DZANK1: variants seen among roughly 807,000 people sequenced by gnomAD.
DZANK1 encodes the protein double zinc ribbon and ankyrin repeat-containing protein 1.
Under a neutral mutation model 94.5 loss-of-function variants are expected in DZANK1, and 91 were observed. That is an observed-to-expected ratio of 0.96 (90% CI 0.81 to 1.15). The LOEUF (loss-of-function observed/expected upper bound fraction) is 1.15, where lower values mean the gene tolerates loss of function less well. DZANK1 is among the 50% of genes most tolerant of loss of function. The pLI is 0.00. For synonymous variants in DZANK1, 312 were observed against 325.3 expected, an observed-to-expected ratio of 0.96 and a Z score of 0.44; for missense variants, 903 against 916.4, an observed-to-expected ratio of 0.99 and a Z score of 0.19.
intron 2 of DZANK1, among the ~76,000 whole-genome samples, chr20:18,462,134 A>G (rs2059493460): frequency 6.6e-6 from 1 of 152,110 alleles, no homozygotes; most frequent in South Asian, 2.1e-4. Context: ...ATTACAATGA[A>G]TGTTTGCTGA....
At chr20:18,465,493 ATAT>A (rs2059617440) in intron 1 of DZANK1, 116 bp from the exon 2 acceptor site, 2 of 380,466 alleles carry the variant, frequency 5.3e-6, no homozygotes, top group South Asian at 1.0e-4. Flanking sequence ...GGCACTACAA[ATAT>A]TATTCCCTTT....
At chr20:18,396,406 C>A in intron 15 of DZANK1, 66 bp downstream of exon 15, 1 of 1,318,860 alleles carries the variant, frequency 7.6e-7, no homozygotes. Context: ...AGAAGCATTT[C>A]TATAAATTGT....
chr20:18,422,120 C>T (rs573289225), intron 10 of DZANK1, among the ~76,000 whole-genome samples: 1 of 152,054 alleles, frequency 6.6e-6, no homozygotes, highest in Non-Finnish European at 1.5e-5. Context: ...GGGGTCATAT[C>T]CGAAAAAAAT....
intron 5 of DZANK1, 84 bp from the exon 6 acceptor site, chr20:18,452,823 T>C (rs2059151953): frequency 7.3e-7 from 1 of 1,372,942 alleles, no homozygotes; most frequent in East Asian, 2.5e-5. Context: ...CGGGAGACCT[T>C]TTAATAAAGA....
intron 8 of DZANK1, among the ~76,000 whole-genome samples, chr20:18,438,386 G>A (rs941286688): frequency 2.6e-5 from 4 of 151,858 alleles, no homozygotes; most frequent in African/African-American, 9.7e-5. Context: ...CATTCAAAAG[G>A]CAAGGTTATT....
At chr20:18,444,305 C>G (rs1288217074) in intron 7 of DZANK1, among the ~76,000 whole-genome samples, 1 of 152,220 alleles carries the variant, frequency 6.6e-6, no homozygotes, top group Non-Finnish European at 1.5e-5. Flanking sequence ...TGGGCCCACC[C>G]GCCAGAGCAA....
chr20:18,401,083 C>T (rs2056652659), intron 13 of DZANK1, among the ~76,000 whole-genome samples: 1 of 151,998 alleles, frequency 6.6e-6, no homozygotes, highest in Non-Finnish European at 1.5e-5. Context: ...ATTACAGGCA[C>T]CCACCACCAC....
chr20:18,424,551 TTA>T (rs2057947246), intron 10 of DZANK1, among the ~76,000 whole-genome samples: 1 of 152,152 alleles, frequency 6.6e-6, no homozygotes, highest in African/African-American at 2.4e-5. Context: ...ACTGGAACCT[TTA>T]TATATTGCTA....
intron 13 of DZANK1, among the ~76,000 whole-genome samples, chr20:18,409,586 C>CACACACACACACA (rs367672370): frequency 8.9e-6 from 1 of 112,518 alleles, no homozygotes; most frequent in African/African-American, 3.1e-5. Flanking sequence ...ACACACACCA[C>CACACACACACACA]CACCACCACC....
chr20:18,419,261 C>CAA (rs61274655), intron 10 of DZANK1, among the ~76,000 whole-genome samples: 1,046 of 77,982 alleles, frequency 0.013, 10 homozygotes, highest in South Asian at 0.074. Flanking sequence ...GACTCCATCT[C>CAA]AAAAAAAAAA....
At chr20:18,455,268 A>G (rs1435153463) in exon 4 of DZANK1, 1 of 1,605,266 alleles carries the variant, frequency 6.2e-7, no homozygotes, top group Non-Finnish European at 8.5e-7. Context: ...AATCTTTGAG[A>G]ACATTTTCAA....
Position 18,427,268 on chromosome 20 carries a change from C to T in DZANK1, c.862-109G>A, listed in dbSNP as rs1256198495. On this transcript the variant is annotated intron_variant, in intron 9 of 20. Transcript: ENST00000262547. The stretch of plus-strand genomic sequence containing the variant: ...CATTCAGCTACAGGCCCTATTACTG[C>T]ACCCAGGCCCTGAATACTGGATTGG... 1.0e-5 allele frequency: 7 copies of T among 678,186 alleles called. No individual in the cohort carries two copies. The South Asian group carries it at 1.3e-4, about 13-fold the overall frequency. 42.0% of individuals were successfully genotyped at this position (678,186 alleles called of 1,614,324 possible).
chr20:18,410,209 G>T (rs1161976208), intron 13 of DZANK1, among the ~76,000 whole-genome samples: 5 of 152,022 alleles, frequency 3.3e-5, no homozygotes, highest in African/African-American at 1.2e-4. Flanking sequence ...ACTAATAATT[G>T]TAACAGTGTT....
At chr20:18,434,634 C>A (rs1404935999) in intron 8 of DZANK1, among the ~76,000 whole-genome samples, 1 of 151,154 alleles carries the variant, frequency 6.6e-6, no homozygotes, top group East Asian at 1.9e-4. Context: ...CATTGAAAGG[C>A]AGATAACAAA....
intron 2 of DZANK1, among the ~76,000 whole-genome samples, chr20:18,463,640 A>G (rs184543001): frequency 8.0e-4 from 122 of 152,286 alleles, no homozygotes; most frequent in Non-Finnish European, 1.6e-3. Context: ...CCTACCATTC[A>G]TATCATCTTT....
chr20:18,392,107 T>C (rs1191826578), intron 17 of DZANK1, among the ~76,000 whole-genome samples: 1 of 152,198 alleles, frequency 6.6e-6, no homozygotes, highest in East Asian at 1.9e-4. Context: ...CTTCTGATAC[T>C]TATCCCCTAA....
At chr20:18,453,040 C>T (rs2059159367) in intron 5 of DZANK1, among the ~76,000 whole-genome samples, 1 of 152,204 alleles carries the variant, frequency 6.6e-6, no homozygotes, top group South Asian at 2.1e-4. Flanking sequence ...TTATATCTCC[C>T]AAGAGCACAC....
At chr20:18,445,237 A>C (rs1211203723) in intron 7 of DZANK1, among the ~76,000 whole-genome samples, 1 of 151,214 alleles carries the variant, frequency 6.6e-6, no homozygotes, top group African/African-American at 2.4e-5. Flanking sequence ...TAACAGAGTT[A>C]AAGAAGTTTA....
chr20:18,388,559 A>G (rs906367192), intron 19 of DZANK1, among the ~76,000 whole-genome samples: 3 of 152,232 alleles, frequency 2.0e-5, no homozygotes, highest in Non-Finnish European at 4.4e-5. Context: ...TTTCTGAATT[A>G]TAAAAATATA....
Sources: gnomAD v4.1 joint callset for allele counts (sites outside exome capture counted in the v4.1 genomes callset) on GRCh38, gnomAD v4.1.1 for gene constraint, MANE v1.5 for transcripts, NCBI Gene and HGNC (gene_info 2026-07-23, HGNC 2026-07-21) for gene names.